Variants in CYP2F1 observed in about 807,000 individuals in gnomAD.
CYP2F1 encodes cytochrome P450 2F1.
A neutral mutation model predicts 40.4 loss-of-function variants in CYP2F1; 33 were observed. The observed-to-expected ratio is 0.82, with a 90% confidence interval of 0.62 to 1.09. The LOEUF (loss-of-function observed/expected upper bound fraction) is 1.09, where lower values mean the gene tolerates loss of function less well. Among genes scored for constraint, CYP2F1 ranks in the 50% least tolerant of loss-of-function variants. CYP2F1 has a pLI of 0.00. For synonymous variants in CYP2F1, 235 were observed against 277.2 expected (o/e 0.85, Z 1.51); for missense variants, 566 against 655.7 (o/e 0.86, Z 1.49).
In CYP2F1 at chr19:41,124,818, A is replaced by G; in HGVS notation, c.1064A>G (p.Glu355Gly). 1.9e-6 allele frequency: 3 copies of G among 1,611,824 alleles called. No homozygotes were observed. Among genetic ancestry groups the G allele is most frequent in the Non-Finnish European group, 2.5e-6 (3 of 1,179,836 alleles). Reference protein sequence around the residue: ...AMPYTDAVIHEVQRFADIIPM... With the variant: ...AMPYTDAVIHGVQRFADIIPM... ...CCTTACACAGACGCGGTGATCCACG[A>G]GGTGCAGCGCTTTGCAGACATCATC... Residue 355 changes from glutamate (E) to glycine (G), a missense_variant, in exon 8 of 10, where the codon GAG (glutamate) becomes GGG (glycine). By Grantham distance (98) the Glu-to-Gly change is moderately conservative (BLOSUM62 -2). Transcript: ENST00000331105.
intron 6 of CYP2F1, 108 bp downstream of exon 6, chr19:41,122,241 C>T: frequency 9.3e-6 from 10 of 1,074,402 alleles, no homozygotes; most frequent in South Asian, 1.5e-5. Flanking sequence ...GGGACCTTCT[C>T]CCTGGAGAAG....
intron 7 of CYP2F1, among the ~76,000 whole-genome samples, chr19:41,123,999 T>A (rs909548223): frequency 2.0e-5 from 3 of 151,998 alleles, no homozygotes; most frequent in Non-Finnish European, 4.4e-5. Flanking sequence ...CCAAGCTCCA[T>A]CTCTGGGTGT....
chr19:41,118,927 A>G (rs2031978604), intron 3 of CYP2F1, among the ~76,000 whole-genome samples: 1 of 152,162 alleles, frequency 6.6e-6, no homozygotes, highest in Non-Finnish European at 1.5e-5. Context: ...AACCAGAGAT[A>G]AACACATCTG....
intron 7 of CYP2F1, among the ~76,000 whole-genome samples, 190 bp from the exon 8 acceptor site, chr19:41,124,529 C>T (rs1489853408): frequency 2.6e-5 from 4 of 152,154 alleles, no homozygotes; most frequent in Non-Finnish European, 5.9e-5. Context: ...CTCCCAAGTG[C>T]TGGGATTACA....
At chr19:41,117,105 C>T (rs1287401641) in intron 3 of CYP2F1, among the ~76,000 whole-genome samples, 2 of 152,002 alleles carry the variant, frequency 1.3e-5, no homozygotes, top group Non-Finnish European at 2.9e-5. Flanking sequence ...TATTATCAAC[C>T]CCATCCTAGT....
intron 7 of CYP2F1, chr19:41,123,475 C>A: frequency 3.0e-6 from 1 of 335,106 alleles, no homozygotes; most frequent in South Asian, 2.4e-5. Context: ...GCCTCAGCCT[C>A]CCAAAGTGCT....
rs1022627012 is a variant in CYP2F1 at position 41,117,234 on chromosome 19, G to A, written c.334+617G>A. On this transcript the variant is annotated intron_variant, in intron 3 of 9. Transcript: ENST00000331105. ...CAACCTCTGCCTCCCAGGCTCATGC[G>A]ATTCTCCTGCCTCAGCCTCCTGAGT... is the stretch of plus-strand genomic sequence containing the variant. Among the ~76,000 whole-genome samples the A allele has an allele frequency of 8.6e-5, 13 of 152,036 alleles. No homozygotes were observed. In the South Asian group the frequency reaches 2.1e-3, roughly 24 times the overall value.
At chr19:41,124,629 C>A in intron 7 of CYP2F1, 90 bp from the exon 8 acceptor site, 1 of 1,192,352 alleles carries the variant, frequency 8.4e-7, no homozygotes, top group Non-Finnish European at 1.2e-6. Context: ...TGACTAGACG[C>A]CTCCCCACAC....
chr19:41,117,592 C>T (rs1448503677), intron 3 of CYP2F1, among the ~76,000 whole-genome samples: 1 of 152,150 alleles, frequency 6.6e-6, no homozygotes, highest in Non-Finnish European at 1.5e-5. Flanking sequence ...AGTTCAAGCT[C>T]AGTCCCAATC....
intron 1 of CYP2F1, 61 bp from the exon 2 acceptor site, chr19:41,116,117 G>A (rs1363467375): frequency 6.7e-7 from 1 of 1,501,048 alleles, no homozygotes; most frequent in Admixed American, 1.9e-5. Context: ...TAAGTCCCAG[G>A]GGAGATGGAA....
chr19:41,126,117 C>CA (rs1226307301), intron 9 of CYP2F1, among the ~76,000 whole-genome samples: 1 of 145,308 alleles, frequency 6.9e-6, no homozygotes, highest in Non-Finnish European at 1.5e-5. Flanking sequence ...GACTCTGTCT[C>CA]AAAAAAAATA....
chr19:41,125,263 T>C (rs368143029), intron 8 of CYP2F1: 2 of 589,606 alleles, frequency 3.4e-6, no homozygotes, highest in African/African-American at 1.9e-5. Flanking sequence ...CCCACAAAGG[T>C]TGGGGGTTTC....
chr19:41,123,107 G>A (rs1012834241), intron 7 of CYP2F1, 144 bp downstream of exon 7: 44 of 937,082 alleles, frequency 4.7e-5, no homozygotes, highest in Non-Finnish European at 6.3e-5. Flanking sequence ...AAACCCACAC[G>A]GAGGCCGATC....
In CYP2F1 at chr19:41,116,173, A is replaced by G. The variant is rs369086289; in HGVS notation, c.-11-5A>G. The G allele has an allele frequency of 3.7e-6, 6 of 1,606,710 alleles. No homozygotes were observed. Among genetic ancestry groups the G allele is most frequent in the Non-Finnish European group, 5.1e-6 (6 of 1,176,824 alleles). ...TCTCCCACTTTGCCCTCCACACGCC[A>G]GCAGCTGCCTTCACCATGGACAGCA... On this transcript the variant is annotated splice_region_variant and splice_polypyrimidine_tract_variant and intron_variant, in intron 1 of 9. Coordinates refer to ENST00000331105, the MANE Select transcript of CYP2F1 (RefSeq NM_000774.5).
At chr19:41,116,667 G>T (rs766257652) in intron 3 of CYP2F1, 50 bp downstream of exon 3, 1 of 1,585,280 alleles carries the variant, frequency 6.3e-7, no homozygotes. Flanking sequence ...CATATTGAGG[G>T]AGGGGGTGAG....
chr19:41,121,580 A>C lies in CYP2F1; in HGVS notation c.607A>C (p.Asn203His). ...TCTGCTCACCATTATCCGCCTTATC[A>C]ATGACAACTTCCAAATCATGAGCAG... Reference protein sequence around the residue: ...ERLLTIIRLINDNFQIMSSPW... With the variant: ...ERLLTIIRLIHDNFQIMSSPW... Residue 203 changes from asparagine to histidine, a missense_variant, in exon 5 of 10, where the codon AAT (asparagine) becomes CAT (histidine). Physicochemically the swap from Asn to His is moderately conservative, Grantham distance 68 (BLOSUM62 1). Transcript: ENST00000331105. 1 of 1,610,252 alleles carries C rather than the reference A, an allele frequency of 6.2e-7. No individual in the cohort carries two copies. The highest frequency in any genetic ancestry group is 8.5e-7 in the Non-Finnish European group (1 of 1,179,762).
rs769731609 is a variant in CYP2F1, at chr19:41,127,980, G to A, written c.1374G>A (p.Ser458=). 35 of 1,613,164 alleles carry A rather than the reference G, an allele frequency of 2.2e-5. No homozygotes were observed. The highest frequency in any genetic ancestry group is 1.7e-4 in the Middle Eastern group (1 of 5,792). Residue 458 remains serine, a synonymous_variant, in exon 10 of 10, where the codon TCG becomes TCA. Transcript: ENST00000331105. Reference sequence around the variant, plus strand: ...TCACCGCCATCCTGCAGAGCTTTTCGCTGCAGCCGCTGGGTGCGCCCGAGG... The same window carrying A: ...TCACCGCCATCCTGCAGAGCTTTTCACTGCAGCCGCTGGGTGCGCCCGAGG... The part of the protein sequence containing the change: ...LYLTAILQSF[S]LQPLGAPEDI...
intron 8 of CYP2F1, 199 bp downstream of exon 8, chr19:41,125,105 G>C (rs866323926): frequency 4.0e-4 from 235 of 587,660 alleles, no homozygotes; most frequent in African/African-American, 1.2e-3. Context: ...TCATATCATA[G>C]TGGACTAGAC....
chr19:41,123,026 G>A (rs2032322489), intron 7 of CYP2F1, 63 bp downstream of exon 7: 2 of 1,554,412 alleles, frequency 1.3e-6, no homozygotes, highest in African/African-American at 1.4e-5. Context: ...CCCAGAGCAG[G>A]GAGCCACGGC....
Sources: gnomAD v4.1 joint callset for allele counts (sites outside exome capture counted in the v4.1 genomes callset) on GRCh38, gnomAD v4.1.1 for gene constraint, MANE v1.5 for transcripts, NCBI Gene and HGNC (gene_info 2026-07-23, HGNC 2026-07-21) for gene names.